Variants in CPVL observed in about 807,000 individuals in gnomAD.
CPVL encodes the protein probable serine carboxypeptidase CPVL.
In CPVL, 51 loss-of-function variants were observed where a neutral mutation model predicts 63.7. The ratio of observed to expected loss-of-function variants is 0.80; its 90% CI spans 0.64 to 1.01. CPVL has a LOEUF of 1.01. Ranked by LOEUF, CPVL falls within the 50% of genes least tolerant of loss-of-function variation. The probability of loss-of-function intolerance (pLI) is 0.00; values close to 1 mark genes in which losing one functional copy is unlikely to be tolerated. For missense variants in CPVL, 530 were observed against 573.1 expected, an observed-to-expected ratio of 0.92 and a Z score of 0.77; for synonymous variants, 195 against 206.0, an observed-to-expected ratio of 0.95 and a Z score of 0.46.
At chr7:29,158,417 C>T (rs1794721601) in intron 5 of CPVL, among the ~76,000 whole-genome samples, 1 of 152,118 alleles carries the variant, frequency 6.6e-6, no homozygotes, top group Non-Finnish European at 1.5e-5. Flanking sequence ...CCAAAGAAAA[C>T]TAGAGGAATG....
In CPVL at chr7:29,071,841, A is replaced by AC; in HGVS notation, c.795dup (p.Tyr266ValfsTer8). 6.2e-7 allele frequency: 1 copy of AC among 1,613,994 alleles called. No homozygotes were observed. On this transcript the variant is annotated frameshift_variant, in exon 9 of 13. Transcript: ENST00000265394. LOFTEE classifies it high-confidence loss of function. Reference sequence around the variant, plus strand: ...CATTCATGGCACTGCTTCTGGAAGTACTTTTTTTGCTTCTCATCCAACAAG... The same window carrying AC: ...CATTCATGGCACTGCTTCTGGAAGTACCTTTTTTTGCTTCTCATCCAACAAG...
chr7:29,174,374 CAG>C (rs1316761935), intron 5 of CPVL, among the ~76,000 whole-genome samples: 4 of 152,116 alleles, frequency 2.6e-5, no homozygotes, highest in African/African-American at 9.7e-5. Flanking sequence ...TGAGGAGAGA[CAG>C]TAAAGCTTTT....
upstream of CPVL, chr7:29,146,585 T>C (rs1209475137): frequency 1.3e-6 from 2 of 1,549,602 alleles, no homozygotes; most frequent in Non-Finnish European, 1.7e-6. Context: ...TAGGCTCACA[T>C]GACCCAGACC....
At chr7:29,078,557 C>T (rs550161948) in intron 7 of CPVL, among the ~76,000 whole-genome samples, 116 of 152,346 alleles carry the variant, frequency 7.6e-4, no homozygotes, top group Non-Finnish European at 1.4e-3. Context: ...ACTGTAGATA[C>T]AATTCAGAAG....
intron 12 of CPVL, among the ~76,000 whole-genome samples, chr7:29,028,682 G>A (rs1230581377): frequency 6.6e-6 from 1 of 151,930 alleles, no homozygotes; most frequent in Non-Finnish European, 1.5e-5. Context: ...AGTGAGAAAA[G>A]GGCCAGGCGT....
At chr7:29,095,345 A>G (rs1786298389) in intron 4 of CPVL, among the ~76,000 whole-genome samples, 1 of 152,182 alleles carries the variant, frequency 6.6e-6, no homozygotes. Context: ...CCCCCAGCCC[A>G]GAGTGTTTCT....
intron 11 of CPVL, among the ~76,000 whole-genome samples, chr7:29,048,469 C>T (rs758867756): frequency 2.0e-5 from 3 of 152,076 alleles, no homozygotes; most frequent in Non-Finnish European, 2.9e-5. Context: ...CAAAGAAGGA[C>T]ATTATATAAC....
Position 28,995,614 on chromosome 7 carries a change from C to G in CPVL, c.*158G>C, listed in dbSNP as rs1322319646. 3.3e-6 allele frequency: 2 copies of G among 605,702 alleles called. No individual in the cohort carries two copies. The highest frequency in any genetic ancestry group is 5.7e-6 in the Non-Finnish European group (2 of 349,866). The allele number at this position is 605,702 out of a possible 1,614,324, so 37.5% of individuals were successfully genotyped here. A position where few individuals can be genotyped will look rare whatever the true frequency, so the allele number is the denominator to read the frequency against. On this transcript the variant is annotated 3_prime_UTR_variant, in exon 13 of 13. Transcript: ENST00000265394. ...TAATTTTGTAGTAAACATCTCCCCCCAAAAACAAAAGCTCACTTGTTTCAA... is the reference window on the plus strand; with the variant it reads ...TAATTTTGTAGTAAACATCTCCCCCGAAAAACAAAAGCTCACTTGTTTCAA...
chr7:29,031,533 T>A (rs1197485931), intron 11 of CPVL, among the ~76,000 whole-genome samples: 1 of 152,216 alleles, frequency 6.6e-6, no homozygotes, highest in Non-Finnish European at 1.5e-5. Context: ...GTAGAACTAA[T>A]GGGGACAGTA....
chr7:29,081,083 TC>T (rs1324975205), intron 7 of CPVL, among the ~76,000 whole-genome samples: 26 of 152,288 alleles, frequency 1.7e-4, no homozygotes, highest in African/African-American at 6.3e-4. Context: ...GTCCCCCTGA[TC>T]CTGTCACCTA....
At chr7:29,143,787 T>A (rs1214352678) in intron 1 of CPVL, among the ~76,000 whole-genome samples, 1 of 152,232 alleles carries the variant, frequency 6.6e-6, no homozygotes, top group Non-Finnish European at 1.5e-5. Flanking sequence ...CTCCAAGATC[T>A]AAGGACACAG....
rs116498947 is a variant in CPVL at position 29,102,118 on chromosome 7, C to T, written c.289-5901G>A. Among the ~76,000 whole-genome samples, 358 of 152,294 alleles carry T rather than the reference C, an allele frequency of 2.4e-3. 1 individual carries two copies. Among genetic ancestry groups the T allele is most frequent in the African/African-American group, 8.3e-3 (344 of 41,570 alleles). ...GAGCATGGATTCTGGAGCCAGAATGCCAAGGTTTGAATTCCAGCTATGCTA... is the reference window on the plus strand; with the variant it reads ...GAGCATGGATTCTGGAGCCAGAATGTCAAGGTTTGAATTCCAGCTATGCTA... On this transcript the variant is annotated intron_variant, in intron 3 of 12. Transcript: ENST00000265394.
In CPVL at chr7:29,007,074, C is replaced by A. The variant is rs998364851; in HGVS notation, c.1321-11192G>T. On this transcript the variant is annotated intron_variant, in intron 12 of 12. Transcript: ENST00000265394. ...TGTGGATAATACTCTAAAATACAGA[C>A]TTCTCAGTATTTATCCGCTTTCCAT... 2.0e-5 allele frequency among the ~76,000 whole-genome samples: 3 copies of A among 152,150 alleles called. No homozygotes were observed. The South Asian group carries it at 6.2e-4, about 31-fold the overall frequency.
At chr7:29,114,260 C>A (rs1436032269) in intron 2 of CPVL, among the ~76,000 whole-genome samples, 1 of 152,112 alleles carries the variant, frequency 6.6e-6, no homozygotes, top group Non-Finnish European at 1.5e-5. Flanking sequence ...GCCAGAATAC[C>A]AGGGCTTTAC....
At chr7:29,183,081 CTTTTTTT>C (rs34942216) in intron 4 of CPVL, among the ~76,000 whole-genome samples, 27 of 131,902 alleles carry the variant, frequency 2.0e-4, no homozygotes, top group African/African-American at 6.6e-4. Context: ...ACATGGCAGA[CTTTTTTT>C]TTTTTTTTTT....
chr7:29,064,003 A>T, intron 11 of CPVL, 58 bp downstream of exon 11: 2 of 1,224,022 alleles, frequency 1.6e-6, no homozygotes, highest in Non-Finnish European at 2.3e-6. Context: ...ATTACAAATC[A>T]CTTCTGCTCT....
chr7:29,063,827 C>T (rs1256051889), intron 11 of CPVL, among the ~76,000 whole-genome samples: 1 of 152,112 alleles, frequency 6.6e-6, no homozygotes, highest in Non-Finnish European at 1.5e-5. Flanking sequence ...CCGCCTCAGG[C>T]TCCCAAAGCA....
chr7:29,079,591 A>G (rs774463929), intron 7 of CPVL, among the ~76,000 whole-genome samples: 17 of 152,226 alleles, frequency 1.1e-4, no homozygotes, highest in Non-Finnish European at 2.5e-4. Flanking sequence ...TTCTCAATAA[A>G]TATTCTCTAG....
chr7:29,174,138 C>G (rs546212199), intron 5 of CPVL, among the ~76,000 whole-genome samples: 54 of 152,068 alleles, frequency 3.6e-4, no homozygotes, highest in African/African-American at 1.2e-3. Context: ...AGAGACCCCC[C>G]CGTTTGGTGG....
Sources: allele counts gnomAD v4.1 joint callset (sites outside exome capture counted in the v4.1 genomes callset), GRCh38; gene constraint gnomAD v4.1.1; transcripts MANE v1.5; gene names NCBI Gene and HGNC (gene_info 2026-07-23, HGNC 2026-07-21).